AREL1: variants seen among roughly 807,000 people sequenced by gnomAD.
The protein encoded by AREL1 is apoptosis-resistant E3 ubiquitin protein ligase 1.
Under a neutral mutation model 99.0 loss-of-function variants are expected in AREL1, and 62 were observed. That is an observed-to-expected ratio of 0.63 (90% CI 0.51 to 0.77). AREL1 has a LOEUF of 0.77. Ranked by LOEUF, AREL1 falls within the 30% of genes least tolerant of loss-of-function variation. The pLI is 0.00. For synonymous variants in AREL1, 380 were observed against 376.5 expected (o/e 1.01, Z -0.11); for missense variants, 879 against 1,027.6 (o/e 0.86, Z 1.98).
At chr14:74,668,714 G>T (rs2089262840) in intron 15 of AREL1, among the ~76,000 whole-genome samples, 1 of 151,854 alleles carries the variant, frequency 6.6e-6, no homozygotes, top group African/African-American at 2.4e-5. Flanking sequence ...TCAGTATAGT[G>T]GTACCAATGG....
chr14:74,695,900 A>C (rs2089971815), intron 1 of AREL1, among the ~76,000 whole-genome samples: 1 of 152,210 alleles, frequency 6.6e-6, no homozygotes, highest in Non-Finnish European at 1.5e-5. Context: ...CAGTATGAGA[A>C]GGGGCTCAAC....
chr14:74,683,464 C>T lies in AREL1; in HGVS notation c.313G>A (p.Val105Ile), dbSNP rs1392343559. 1.9e-6 allele frequency: 3 copies of T among 1,613,964 alleles called. No homozygotes were observed. Among genetic ancestry groups the T allele is most frequent in the Non-Finnish European group, 1.7e-6 (2 of 1,180,014 alleles). ...ACTGGAATTTCCACTGCTAGCTCGA[C>T]ATGAGAGATGTGAACTCTTAGTCCC... ...PVGLRVHISHVELAVEIPVTQ... is the reference protein window; with the variant it reads ...PVGLRVHISHIELAVEIPVTQ... Residue 105 changes from valine (V) to isoleucine (I), a missense_variant, in exon 5 of 20, where the codon GTC becomes ATC. By Grantham distance (29) the Val-to-Ile change is conservative. Coordinates refer to ENST00000356357, the MANE Select transcript of AREL1 (RefSeq NM_001039479.2).
At position 74,667,506 on chromosome 14, in the gene AREL1, A is replaced by C; in HGVS notation, c.2003T>G (p.Leu668Arg). 1 of 1,613,916 alleles carries C rather than the reference A, an allele frequency of 6.2e-7. No individual in the cohort carries two copies. Among genetic ancestry groups the C allele is most frequent in the Non-Finnish European group, 8.5e-7 (1 of 1,179,872 alleles). Reference protein sequence around the residue: ...FYLNLLAQYRLASQVKEEVEH... With the variant: ...FYLNLLAQYRRASQVKEEVEH... Reference sequence around the variant, plus strand: ...CACCTCCTCTTTCACTTGACTGGCCAGCCGATATTGGGCCAGCAAATTTAA... The same window carrying C: ...CACCTCCTCTTTCACTTGACTGGCCCGCCGATATTGGGCCAGCAAATTTAA... Residue 668 changes from leucine (L) to arginine (R), a missense_variant, in exon 16 of 20, where the codon CTG becomes CGG. Transcript: ENST00000356357.
chr14:74,703,325 C>T (rs1420071493), intron 1 of AREL1, among the ~76,000 whole-genome samples: 1 of 152,158 alleles, frequency 6.6e-6, no homozygotes, highest in Non-Finnish European at 1.5e-5. Flanking sequence ...ATAAAATCAA[C>T]AGATATTGTG....
intron 5 of AREL1, among the ~76,000 whole-genome samples, chr14:74,681,751 A>T (rs2089633321): frequency 6.6e-6 from 1 of 150,566 alleles, no homozygotes; most frequent in Non-Finnish European, 1.5e-5. Flanking sequence ...GCCTGGCGAC[A>T]GGGCGAGACG....
intron 9 of AREL1, among the ~76,000 whole-genome samples, chr14:74,673,577 C>T (rs575814890): frequency 1.3e-5 from 2 of 152,254 alleles, no homozygotes; most frequent in Non-Finnish European, 2.9e-5. Context: ...CCAAACTGAT[C>T]AGAAGAAAAC....
chr14:74,664,448 C>CCTTT (rs2089163157), intron 18 of AREL1, among the ~76,000 whole-genome samples: 1 of 76,896 alleles, frequency 1.3e-5, no homozygotes, highest in African/African-American at 4.9e-5. Context: ...CTTTTCCTTT[C>CCTTT]TTTTTTTTTT....
Position 74,674,302 on chromosome 14 carries a change from A to G in AREL1, c.1081-191T>C, listed in dbSNP as rs575709114. On this transcript the variant is annotated intron_variant, in intron 8 of 19. Coordinates refer to ENST00000356357, the MANE Select transcript of AREL1 (RefSeq NM_001039479.2). ...CTCTCTATTTAAAAAGGCAAATTAA[A>G]AATATTACCCTGATGGCCAAGTGTG... 2.6e-5 allele frequency among the ~76,000 whole-genome samples: 4 copies of G among 152,342 alleles called. No homozygotes were observed. In the South Asian group the frequency reaches 6.2e-4, roughly 24 times the overall value.
intron 1 of AREL1, among the ~76,000 whole-genome samples, chr14:74,710,466 G>A (rs2090258864): frequency 6.6e-6 from 1 of 152,146 alleles, no homozygotes; most frequent in African/African-American, 2.4e-5. Context: ...ACTATTTAAT[G>A]ATATGCAATT....
intron 17 of AREL1, among the ~76,000 whole-genome samples, chr14:74,666,213 A>G (rs2089205772): frequency 6.6e-6 from 1 of 152,250 alleles, no homozygotes; most frequent in Middle Eastern, 3.2e-3. Context: ...CCCCATTTTA[A>G]AAGAAAACCT....
rs778745727 is a variant in AREL1 at position 74,713,047 on chromosome 14, T to C, written c.-448A>G. 7.2e-7 allele frequency: 1 copy of C among 1,394,772 alleles called. No homozygotes were observed. The allele number at this position is 1,394,772 out of a possible 1,614,324, so 86.4% of individuals were successfully genotyped here. A position where few individuals can be genotyped will look rare whatever the true frequency, so the allele number is the denominator to read the frequency against. ...TCCCACCAACAGACCCCAGAGTTGG[T>C]CTCCACCCGGCCTGGGAACCGGCTC... On this transcript the variant is annotated 5_prime_UTR_variant, in exon 1 of 20. Transcript: ENST00000356357.
intron 5 of AREL1, 72 bp downstream of exon 5, chr14:74,683,224 A>T: frequency 9.0e-7 from 1 of 1,112,994 alleles, no homozygotes; most frequent in Non-Finnish European, 1.3e-6. Context: ...ATTATTTTTA[A>T]AAAGGAAAGA....
intron 2 of AREL1, among the ~76,000 whole-genome samples, chr14:74,686,984 G>A (rs1594769749): frequency 6.6e-6 from 1 of 152,092 alleles, no homozygotes; most frequent in African/African-American, 2.4e-5. Flanking sequence ...AATTAGCTGG[G>A]GACCCAACAG....
intron 4 of AREL1, 73 bp from the exon 5 acceptor site, chr14:74,683,606 G>A (rs1384963234): frequency 2.9e-6 from 4 of 1,388,168 alleles, no homozygotes; most frequent in East Asian, 4.6e-5. Context: ...AGTGAGTGGG[G>A]AGAGAGGAAG....
chr14:74,664,722 G>A, intron 18 of AREL1, 114 bp downstream of exon 18: 1 of 740,136 alleles, frequency 1.4e-6, no homozygotes, highest in African/African-American at 1.8e-5. Flanking sequence ...GCCTCCCAAA[G>A]TGCTGGGATT....
In AREL1 at chr14:74,669,981, A is replaced by G. The variant is rs1243871550; in HGVS notation, c.1754T>C (p.Leu585Pro). Residue 585 changes from leucine to proline, a missense_variant, in exon 14 of 20, where the codon CTG becomes CCG. Leu to Pro is a moderately conservative substitution (Grantham distance 98, BLOSUM62 -3). Transcript: ENST00000356357. ...CATACGCAGTCCTATGATTTGGGCC[A>G]GGAAAGAGCGGGTGAAGCGAGCTCG... is the stretch of plus-strand genomic sequence containing the variant. ...LVRARFTRSFLAQIIGLRMHY... is the reference protein window; with the variant it reads ...LVRARFTRSFPAQIIGLRMHY... The G allele has an allele frequency of 6.2e-7, 1 of 1,613,394 alleles. No homozygotes were observed. The highest frequency in any genetic ancestry group is 2.2e-5 in the East Asian group (1 of 44,896).
intron 1 of AREL1, among the ~76,000 whole-genome samples, chr14:74,698,597 C>A (rs150527989): frequency 6.6e-6 from 1 of 152,080 alleles, no homozygotes; most frequent in African/African-American, 2.4e-5. Flanking sequence ...GAACTTGGTC[C>A]GCCATGGGAG....
intron 1 of AREL1, among the ~76,000 whole-genome samples, chr14:74,712,204 T>C (rs137992972): frequency 1.3e-5 from 2 of 151,998 alleles, no homozygotes; most frequent in Admixed American, 1.3e-4. Context: ...AAAGAATTTA[T>C]GTTATTGAGA....
chr14:74,699,841 C>T (rs1209833795), intron 1 of AREL1, among the ~76,000 whole-genome samples: 5 of 152,138 alleles, frequency 3.3e-5, no homozygotes, highest in Non-Finnish European at 5.9e-5. Flanking sequence ...AGAAAAGAAA[C>T]GAATCCGCTG....
Sources: gnomAD v4.1 joint callset for allele counts (sites outside exome capture counted in the v4.1 genomes callset) on GRCh38, gnomAD v4.1.1 for gene constraint, MANE v1.5 for transcripts, NCBI Gene and HGNC (gene_info 2026-07-23, HGNC 2026-07-21) for gene names.